Variants in ADARB2 observed in about 807,000 individuals in gnomAD.
ADARB2 encodes the protein inactive double-stranded RNA-specific editase B2.
Under a neutral mutation model 62.2 loss-of-function variants are expected in ADARB2, and 25 were observed. The observed-to-expected ratio is 0.40, with a 90% CI of 0.29 to 0.56. The LOEUF is 0.56. Ranked by LOEUF, ADARB2 falls within the 20% of genes least tolerant of loss-of-function variation. ADARB2 has a pLI of 0.43. For synonymous variants in ADARB2, 572 were observed against 500.8 expected, an observed-to-expected ratio of 1.14 and a Z score of -1.90; for missense variants, 1,071 against 1,077.4, an observed-to-expected ratio of 0.99 and a Z score of 0.08.
In ADARB2 at chr10:1,398,069, G is replaced by C. The variant is rs2820592; in HGVS notation, c.101-18909C>G. 4.0e-5 allele frequency among the ~76,000 whole-genome samples: 3 copies of C among 75,720 alleles called. No homozygotes were observed. The highest frequency in any genetic ancestry group is 5.2e-4 in the South Asian group (1 of 1,912). The allele number at this position is 75,720 out of a possible 152,430, so 49.7% of individuals were successfully genotyped here. ...TCCTCCTCTCCCCTCCCGAGTGCAG[G>C]CTTCCTGGGTCACCGCCCTCCTCTC... On this transcript the variant is annotated intron_variant, in intron 1 of 9. Transcript: ENST00000381312. This position sits in a 1 kb window ranked among gnomAD's most constrained non-coding sequence, Gnocchi z 4.1.
chr10:1,659,405 C>T (rs1834214467), intron 1 of ADARB2, among the ~76,000 whole-genome samples: 1 of 152,152 alleles, frequency 6.6e-6, no homozygotes, highest in Admixed American at 6.5e-5. Context: ...AAATGGGGGT[C>T]CCCACGCGAC....
chr10:1,326,852 C>CTGGT (rs1564257886), intron 3 of ADARB2, among the ~76,000 whole-genome samples: 1 of 59,866 alleles, frequency 1.7e-5, no homozygotes, highest in Admixed American at 1.5e-4. Flanking sequence ...CCCAGCGCCT[C>CTGGT]CCCACTGCCC....
intron 1 of ADARB2, among the ~76,000 whole-genome samples, chr10:1,545,209 A>C (rs1474743821): frequency 2.0e-5 from 3 of 152,150 alleles, no homozygotes; most frequent in Non-Finnish European, 4.4e-5. Context: ...CTTCCTAACG[A>C]GTATTGATCC....
intron 1 of ADARB2, among the ~76,000 whole-genome samples, chr10:1,530,036 C>G (rs1588289576): frequency 6.6e-6 from 1 of 151,308 alleles, no homozygotes; most frequent in Non-Finnish European, 1.5e-5. Flanking sequence ...TGTCCACTAC[C>G]TCATGCCACC....
chr10:1,707,442 T>A (rs1834903699), intron 1 of ADARB2, among the ~76,000 whole-genome samples: 1 of 152,264 alleles, frequency 6.6e-6, no homozygotes, highest in Admixed American at 6.5e-5. Flanking sequence ...AGTGGTCTTC[T>A]CACAAGCAGG....
At chr10:1,678,712 A>C (rs1834499701) in intron 1 of ADARB2, among the ~76,000 whole-genome samples, 1 of 151,518 alleles carries the variant, frequency 6.6e-6, no homozygotes, top group Non-Finnish European at 1.5e-5. Flanking sequence ...CTTGCAGGTA[A>C]CTCCACTGTG....
intron 1 of ADARB2, among the ~76,000 whole-genome samples, chr10:1,684,615 AAT>A (rs1028716638): frequency 6.6e-6 from 1 of 152,152 alleles, no homozygotes; most frequent in Non-Finnish European, 1.5e-5. Flanking sequence ...ACCAAATGGC[AAT>A]AGTGTTTTAA....
intron 3 of ADARB2, 109 bp from the exon 4 acceptor site, chr10:1,271,178 T>C: frequency 1.2e-6 from 1 of 839,392 alleles, no homozygotes; most frequent in South Asian, 1.6e-5. Flanking sequence ...TGGCCACACA[T>C]GGGCCTGCTC....
chr10:1,380,426 GA>G (rs1832472744), intron 1 of ADARB2, among the ~76,000 whole-genome samples: 1 of 152,262 alleles, frequency 6.6e-6, no homozygotes, highest in African/African-American at 2.4e-5. Flanking sequence ...CTGTAACAAG[GA>G]CGGCTGTCCA....
intron 3 of ADARB2, among the ~76,000 whole-genome samples, chr10:1,338,287 C>T (rs1343569684): frequency 6.6e-6 from 1 of 152,218 alleles, no homozygotes; most frequent in Non-Finnish European, 1.5e-5. Flanking sequence ...ATTCACTCAA[C>T]CAAAAGCTCA....
chr10:1,647,143 C>T (rs1834053436), intron 1 of ADARB2, among the ~76,000 whole-genome samples: 1 of 152,224 alleles, frequency 6.6e-6, no homozygotes, highest in Non-Finnish European at 1.5e-5. Context: ...CAGAGACCCT[C>T]CCCAAGATAA....
intron 3 of ADARB2, among the ~76,000 whole-genome samples, chr10:1,349,026 C>T (rs1832108831): frequency 6.6e-6 from 1 of 152,148 alleles, no homozygotes; most frequent in Non-Finnish European, 1.5e-5. Flanking sequence ...TGTCAGGCCT[C>T]TGAGCCCAAG....
At chr10:1,623,016 C>T (rs10082419) in intron 1 of ADARB2, among the ~76,000 whole-genome samples, 92,565 of 151,866 alleles carry the variant, frequency 0.61, 28,843 homozygotes, top group African/African-American at 0.74. Flanking sequence ...ACTACGGACA[C>T]GCGCCCCAAC....
chr10:1,714,998 C>T (rs1418518723), intron 1 of ADARB2, among the ~76,000 whole-genome samples: 1 of 129,588 alleles, frequency 7.7e-6, no homozygotes, highest in Admixed American at 8.0e-5. Flanking sequence ...GCTATCCCTC[C>T]CCCCTCCCCC....
Position 1,295,140 on chromosome 10 carries a change from G to A in ADARB2, c.1078-24071C>T, listed in dbSNP as rs544331794. ...AGGAAGGCCAGGACAAGGCCTTTCT[G>A]TTTGAGGTCATGGCGTTATGTCTGG... is the stretch of plus-strand genomic sequence containing the variant. On this transcript the variant is annotated intron_variant, in intron 3 of 9. Transcript: ENST00000381312. Among the ~76,000 whole-genome samples, 23 of 152,328 alleles carry A rather than the reference G, an allele frequency of 1.5e-4. No individual in the cohort carries two copies. In the East Asian group the frequency reaches 4.4e-3, roughly 29 times the overall value.
chr10:1,628,814 G>A (rs1463947692), intron 1 of ADARB2, among the ~76,000 whole-genome samples: 1 of 152,256 alleles, frequency 6.6e-6, no homozygotes, highest in Non-Finnish European at 1.5e-5. Context: ...CCCGCCATTT[G>A]CTCACGGCGG....
At chr10:1,693,992 A>G (rs1834705503) in intron 1 of ADARB2, among the ~76,000 whole-genome samples, 1 of 152,220 alleles carries the variant, frequency 6.6e-6, no homozygotes. Flanking sequence ...GCACAGAGAA[A>G]TGATTCTTTA....
At chr10:1,448,219 A>C (rs1227106810) in intron 1 of ADARB2, among the ~76,000 whole-genome samples, 1 of 152,230 alleles carries the variant, frequency 6.6e-6, no homozygotes, top group African/African-American at 2.4e-5. Context: ...GACAGTATCT[A>C]TGAAGAGGCG....
chr10:1,640,632 G>C (rs1833969031), intron 1 of ADARB2, among the ~76,000 whole-genome samples: 1 of 151,608 alleles, frequency 6.6e-6, no homozygotes, highest in South Asian at 2.1e-4. Context: ...TTGTTGCCTG[G>C]GAGACACACA....
Sources: gnomAD v4.1 joint callset for allele counts (sites outside exome capture counted in the v4.1 genomes callset) on GRCh38, gnomAD v4.1.1 for gene constraint, Gnocchi (gnomAD v3.1) non-coding constraint, MANE v1.5 for transcripts, NCBI Gene and HGNC (gene_info 2026-07-23, HGNC 2026-07-21) for gene names.